ELAVL1: variants seen among roughly 807,000 people sequenced by gnomAD.
ELAVL1 encodes the protein ELAV like RNA binding protein 1, also known as ELAV-like protein 1.
A neutral mutation model predicts 28.4 loss-of-function variants in ELAVL1; 1 was observed. That is an observed-to-expected ratio of 0.04 (90% CI 0.01 to 0.17). The LOEUF (loss-of-function observed/expected upper bound fraction) is 0.17. ELAVL1 is among the 10% of genes least tolerant of loss of function. ELAVL1 has a pLI of 1.00. For synonymous variants in ELAVL1, 174 were observed against 183.5 expected (o/e 0.95, Z 0.42); for missense variants, 157 against 447.2 (o/e 0.35, Z 5.85).
At chr19:7,987,917 C>G (rs1244693983) in intron 2 of ELAVL1, among the ~76,000 whole-genome samples, 2 of 152,186 alleles carry the variant, frequency 1.3e-5, no homozygotes, top group African/African-American at 4.8e-5. Context: ...GCAAACACGA[C>G]CAGGACCTGA....
intron 4 of ELAVL1, among the ~76,000 whole-genome samples, chr19:7,969,290 C>T (rs1270266146): frequency 2.0e-5 from 3 of 152,316 alleles, no homozygotes; most frequent in East Asian, 1.9e-4. Flanking sequence ...TAACAAACAA[C>T]GACCAAAGCC....
chr19:7,974,473 G>A (rs572398432), intron 3 of ELAVL1, among the ~76,000 whole-genome samples: 2 of 152,240 alleles, frequency 1.3e-5, no homozygotes, highest in South Asian at 2.1e-4. Context: ...TGACAAAATG[G>A]TACATTCATC....
At position 7,959,751 on chromosome 19, in the gene ELAVL1, G is replaced by C. The variant is rs919145717; in HGVS notation, c.*3732C>G. The stretch of plus-strand genomic sequence containing the variant: ...ATGCCACTTAAAAGAAAGCACTTGT[G>C]ACTTCAGGGCTGTCTTGCGAAGTTT... On this transcript the variant is annotated 3_prime_UTR_variant, in exon 6 of 6. Transcript: ENST00000407627. The C allele has an allele frequency of 6.6e-6, 1 of 152,178 alleles. No individual in the cohort carries two copies. Among genetic ancestry groups the C allele is most frequent in the African/African-American group, 2.4e-5 (1 of 41,430 alleles). 9.4% of individuals were successfully genotyped at this position (152,178 alleles called of 1,614,324 possible).
At position 7,977,539 on chromosome 19, in the gene ELAVL1, A is replaced by G. The variant is rs553126009; in HGVS notation, c.276+3544T>C. On this transcript the variant is annotated intron_variant, in intron 3 of 5. Coordinates refer to ENST00000407627, the MANE Select transcript of ELAVL1 (RefSeq NM_001419.3). The stretch of plus-strand genomic sequence containing the variant: ...GAAGAGCTGCACACAGAGACTGTGC[A>G]GCATCCCAGCAGGGACACTGAGCTG... Among the ~76,000 whole-genome samples the G allele has an allele frequency of 7.9e-5, 12 of 152,340 alleles. 1 individual carries two copies. The South Asian group carries it at 2.5e-3, about 32-fold the overall frequency.
At position 8,003,389 on chromosome 19, in the gene ELAVL1, A is replaced by C. The variant is rs568529074; in HGVS notation, c.-17+2106T>G. Among the ~76,000 whole-genome samples the C allele has an allele frequency of 2.2e-3, 313 of 141,430 alleles. 6 individuals carry two copies. Among genetic ancestry groups the C allele is most frequent in the Admixed American group, 0.02 (275 of 13,814 alleles). The allele number at this position is 141,430 out of a possible 152,430, so 92.8% of individuals were successfully genotyped here. On this transcript the variant is annotated intron_variant, in intron 1 of 5. Transcript: ENST00000407627. ...AAAAAAAAAAAGAAAAAGAAAAAAAAAAAAAAAGAAATAGCACCATGGTCC... is the reference window on the plus strand; with the variant it reads ...AAAAAAAAAAAGAAAAAGAAAAAAACAAAAAAAGAAATAGCACCATGGTCC...
At chr19:7,998,274 G>A (rs1441395387) in intron 1 of ELAVL1, among the ~76,000 whole-genome samples, 1 of 152,102 alleles carries the variant, frequency 6.6e-6, no homozygotes, top group African/African-American at 2.4e-5. Context: ...AATTATCACT[G>A]ACTCCCAAGT....
intron 1 of ELAVL1, among the ~76,000 whole-genome samples, chr19:8,001,538 G>C (rs1291302466): frequency 1.3e-5 from 2 of 152,214 alleles, no homozygotes; most frequent in East Asian, 3.9e-4. Flanking sequence ...GCCTGTTTCT[G>C]TTCATGGTGA....
Position 7,963,901 on chromosome 19 carries a change from C to A in ELAVL1, c.657-94G>T, listed in dbSNP as rs891132252. The A allele has an allele frequency of 8.7e-6, 12 of 1,383,186 alleles. No individual in the cohort carries two copies. The East Asian group carries it at 2.5e-4, about 28-fold the overall frequency. The allele number at this position is 1,383,186 out of a possible 1,614,324, so 85.7% of individuals were successfully genotyped here. ...ACGCATGCTGACCATGGCCGCTGGG[C>A]CCCATCCCGCTCTGCGCAGCCACGA... On this transcript the variant is annotated intron_variant, in intron 5 of 5. Transcript: ENST00000407627. The surrounding 1 kb of genome is among the most constrained non-coding windows in gnomAD (Gnocchi z 4.5).
chr19:7,967,919 T>A, intron 4 of ELAVL1, 129 bp from the exon 5 acceptor site: 2 of 974,198 alleles, frequency 2.1e-6, no homozygotes, highest in Non-Finnish European at 3.0e-6. Context: ...AAACAAAAAT[T>A]AAACCTAAAA....
intron 5 of ELAVL1, among the ~76,000 whole-genome samples, chr19:7,965,805 C>T (rs1055323175): frequency 1.3e-5 from 2 of 152,186 alleles, no homozygotes; most frequent in African/African-American, 4.8e-5. Flanking sequence ...CCATATAGCC[C>T]GCCCCATCAA....
At chr19:7,969,964 G>C (rs1325913047) in intron 4 of ELAVL1, among the ~76,000 whole-genome samples, 3 of 151,842 alleles carry the variant, frequency 2.0e-5, no homozygotes, top group African/African-American at 7.3e-5. Context: ...TCTTCCCCTA[G>C]TGTTTTTTAT....
chr19:7,991,913 T>A, intron 1 of ELAVL1, 82 bp from the exon 2 acceptor site: 1 of 1,108,362 alleles, frequency 9.0e-7, no homozygotes, highest in Non-Finnish European at 1.2e-6. Flanking sequence ...GCATTTGCAC[T>A]TAGAGATTTT....
chr19:7,985,139 C>CAA (rs1985567301), intron 2 of ELAVL1, among the ~76,000 whole-genome samples: 1 of 152,248 alleles, frequency 6.6e-6, no homozygotes, highest in South Asian at 2.1e-4. Flanking sequence ...AGGTTGGTCT[C>CAA]AAACTCCTGA....
rs1289396248 is a variant in ELAVL1, at chr19:7,982,657, G to C, written c.173-1471C>G. On this transcript the variant is annotated intron_variant, in intron 2 of 5. Transcript: ENST00000407627. The surrounding 1 kb of genome is among the most constrained non-coding windows in gnomAD (Gnocchi z 4.3). ...GTGAGTATGAAATGCTGGTGACGAT[G>C]AATGTTCCCATTACCTCTAGTCCAC... is the stretch of plus-strand genomic sequence containing the variant. Among the ~76,000 whole-genome samples, 3 of 152,192 alleles carry C rather than the reference G, an allele frequency of 2.0e-5. No individual in the cohort carries two copies. The highest frequency in any genetic ancestry group is 2.0e-4 in the Admixed American group (3 of 15,278).
intron 1 of ELAVL1, among the ~76,000 whole-genome samples, chr19:8,005,132 C>G (rs1028073003): frequency 3.1e-4 from 47 of 152,118 alleles, no homozygotes; most frequent in African/African-American, 1.1e-3. Context: ...TCTGCGCGCT[C>G]AAAGCGTTCC....
intron 4 of ELAVL1, among the ~76,000 whole-genome samples, chr19:7,970,436 T>C (rs752824050): frequency 1.1e-4 from 16 of 152,180 alleles, no homozygotes; most frequent in Non-Finnish European, 1.5e-4. Context: ...ATTACAGGCA[T>C]AAGCCACCGT....
intron 4 of ELAVL1, among the ~76,000 whole-genome samples, chr19:7,971,247 G>C (rs1985103806): frequency 6.6e-6 from 1 of 152,224 alleles, no homozygotes. Flanking sequence ...GTGCCTGAGA[G>C]ACTAGGGAAG....
At chr19:7,998,305 G>A (rs115439759) in intron 1 of ELAVL1, among the ~76,000 whole-genome samples, 3,118 of 152,246 alleles carry the variant, frequency 0.02, 105 homozygotes, top group African/African-American at 0.071. Flanking sequence ...TCTGTCTCTC[G>A]AGGTGCAAGG....
At chr19:8,001,355 T>C (rs1024172134) in intron 1 of ELAVL1, among the ~76,000 whole-genome samples, 5 of 152,196 alleles carry the variant, frequency 3.3e-5, no homozygotes, top group Admixed American at 6.5e-5. Flanking sequence ...AAGCACCATG[T>C]CCTGCCAGTT....
Sources: gnomAD v4.1 joint callset for allele counts (sites outside exome capture counted in the v4.1 genomes callset) on GRCh38, gnomAD v4.1.1 for gene constraint, Gnocchi (gnomAD v3.1) non-coding constraint, MANE v1.5 for transcripts, NCBI Gene and HGNC (gene_info 2026-07-23, HGNC 2026-07-21) for gene names.